FAT3: variants seen among roughly 807,000 people sequenced by gnomAD.
The protein encoded by FAT3 is protocadherin Fat 3.
A neutral mutation model predicts 310.2 loss-of-function variants in FAT3; 95 were observed. That is an observed-to-expected ratio of 0.31 (90% CI 0.26 to 0.36). The LOEUF (loss-of-function observed/expected upper bound fraction) is 0.36. Among genes scored for constraint, FAT3 ranks in the 10% least tolerant of loss-of-function variants. FAT3 has a pLI of 1.00. For synonymous variants in FAT3, 2,314 were observed against 2,192.9 expected (o/e 1.06, Z -1.54); for missense variants, 5,408 against 5,715.6 (o/e 0.95, Z 1.74).
chr11:92,412,732 TATATATATATATAA>T (rs1339417293), intron 2 of FAT3, among the ~76,000 whole-genome samples: 699 of 17,918 alleles, frequency 0.039, 76 homozygotes, highest in African/African-American at 0.056. Context: ...TATATATATA[TATATATATATATAA>T]ATATACATAC....
chr11:92,728,123 A>G (rs1945055026), intron 4 of FAT3, among the ~76,000 whole-genome samples: 1 of 152,038 alleles, frequency 6.6e-6, no homozygotes, highest in Non-Finnish European at 1.5e-5. Flanking sequence ...TTAGAAATCT[A>G]AGGATTCTCG....
intron 2 of FAT3, among the ~76,000 whole-genome samples, chr11:92,441,201 A>G (rs1941435): frequency 0.08 from 12,240 of 152,294 alleles, 711 homozygotes; most frequent in African/African-American, 0.16. Context: ...ACATTGTATC[A>G]TCTCTGTCTG....
intron 3 of FAT3, among the ~76,000 whole-genome samples, chr11:92,575,539 G>A (rs1938437043): frequency 6.6e-6 from 1 of 152,100 alleles, no homozygotes; most frequent in African/African-American, 2.4e-5. Context: ...ATTGTTTTGT[G>A]TGTGTGGAGT....
intron 2 of FAT3, among the ~76,000 whole-genome samples, chr11:92,424,774 A>C (rs1467126105): frequency 1.3e-5 from 2 of 152,102 alleles, no homozygotes; most frequent in African/African-American, 2.4e-5. Flanking sequence ...ATTTTTTTCT[A>C]ATTTTGGAAG....
intron 1 of FAT3, among the ~76,000 whole-genome samples, chr11:92,316,390 T>C (rs982922710): frequency 6.6e-6 from 1 of 152,182 alleles, no homozygotes; most frequent in African/African-American, 2.4e-5. Flanking sequence ...ATATACAAAA[T>C]GCATATTTAA....
intron 2 of FAT3, among the ~76,000 whole-genome samples, chr11:92,459,955 T>C (rs1414747975): frequency 6.6e-6 from 1 of 151,726 alleles, no homozygotes; most frequent in Non-Finnish European, 1.5e-5. Flanking sequence ...GGTTTGTGTA[T>C]GGCACAAAAA....
intron 1 of FAT3, among the ~76,000 whole-genome samples, chr11:92,320,646 T>A (rs1947590022): frequency 6.6e-6 from 1 of 151,954 alleles, no homozygotes; most frequent in African/African-American, 2.4e-5. Context: ...GGCAGGTAGG[T>A]CACCTGAGGT....
In FAT3 at chr11:92,891,838, G is replaced by A. The variant is rs955492153; in HGVS notation, c.*725G>A. ...TTCCATTTGGTGGGTGGGGGAGGAA[G>A]TTAAAGTTGTTTGAACATTAGAAAG... On this transcript the variant is annotated 3_prime_UTR_variant, in exon 28 of 28. Coordinates refer to ENST00000525166, the MANE Select transcript of FAT3 (RefSeq NM_001367949.2). 1 of 152,320 alleles carries A rather than the reference G, an allele frequency of 6.6e-6. No homozygotes were observed. Among genetic ancestry groups the A allele is most frequent in the African/African-American group, 2.4e-5 (1 of 41,444 alleles). 9.4% of individuals were successfully genotyped at this position (152,320 alleles called of 1,614,324 possible).
intron 7 of FAT3, among the ~76,000 whole-genome samples, chr11:92,783,681 A>G (rs1223283228): frequency 1.3e-5 from 2 of 150,898 alleles, no homozygotes; most frequent in Non-Finnish European, 3.0e-5. Flanking sequence ...GTGCAGTCCA[A>G]TTGTCCCAGC....
intron 2 of FAT3, among the ~76,000 whole-genome samples, chr11:92,514,950 C>G (rs1953429118): frequency 6.6e-6 from 1 of 152,140 alleles, no homozygotes; most frequent in Non-Finnish European, 1.5e-5. Context: ...AGGATCCTAT[C>G]ACCTGATTTG....
At chr11:92,588,472 C>T (rs1284098268) in intron 3 of FAT3, among the ~76,000 whole-genome samples, 1 of 151,998 alleles carries the variant, frequency 6.6e-6, no homozygotes, top group Non-Finnish European at 1.5e-5. Flanking sequence ...ACTGATTTTA[C>T]TTCTTGAGTG....
chr11:92,722,925 A>G (rs941001162), intron 4 of FAT3, among the ~76,000 whole-genome samples: 5 of 152,044 alleles, frequency 3.3e-5, no homozygotes, highest in African/African-American at 1.2e-4. Flanking sequence ...CTACGAAAAC[A>G]TCTTTTCCTC....
intron 2 of FAT3, among the ~76,000 whole-genome samples, chr11:92,416,390 A>T (rs1450764448): frequency 6.6e-6 from 1 of 151,926 alleles, no homozygotes. Flanking sequence ...TCTCAAAAAA[A>T]AAAAAAAGAA....
At chr11:92,642,452 A>G (rs1472584152) in intron 3 of FAT3, among the ~76,000 whole-genome samples, 2 of 152,232 alleles carry the variant, frequency 1.3e-5, no homozygotes, top group African/African-American at 4.8e-5. Flanking sequence ...TGGGCCCCAC[A>G]CAACCATTTG....
chr11:92,627,692 T>C (rs1308694051), intron 3 of FAT3, among the ~76,000 whole-genome samples: 1 of 152,234 alleles, frequency 6.6e-6, no homozygotes, highest in East Asian at 1.9e-4. Context: ...ATTTACTCTC[T>C]TTAGACGTTC....
intron 3 of FAT3, among the ~76,000 whole-genome samples, chr11:92,575,474 A>G (rs1490873521): frequency 2.0e-5 from 3 of 152,190 alleles, no homozygotes; most frequent in Non-Finnish European, 2.9e-5. Context: ...TATAACTTCA[A>G]CTTCATTATC....
chr11:92,743,730 G>A (rs530740388), intron 4 of FAT3, among the ~76,000 whole-genome samples: 3 of 152,202 alleles, frequency 2.0e-5, no homozygotes, highest in Non-Finnish European at 2.9e-5. Flanking sequence ...ATTGGATGAC[G>A]AGGCCTTGAA....
rs569062567 is a variant in FAT3, at chr11:92,457,216, C to T, written c.3293-67418C>T. ...CGTGATTCTATGAATTTCTGCCCTA[C>T]GAGGTCAGAGAAGGGCCAACAGCTC... On this transcript the variant is annotated intron_variant, in intron 2 of 27. Transcript: ENST00000525166. Among the ~76,000 whole-genome samples, 7 of 152,204 alleles carry T rather than the reference C, an allele frequency of 4.6e-5. No homozygotes were observed. The South Asian group carries it at 8.3e-4, about 18-fold the overall frequency.
chr11:92,285,850 G>A (rs934906848), intron 1 of FAT3, among the ~76,000 whole-genome samples: 13 of 152,068 alleles, frequency 8.5e-5, no homozygotes, highest in Non-Finnish European at 1.6e-4. Flanking sequence ...GGTAGAAATG[G>A]CAATGTGGCT....
Sources: gnomAD v4.1 joint callset for allele counts (sites outside exome capture counted in the v4.1 genomes callset) on GRCh38, gnomAD v4.1.1 for gene constraint, MANE v1.5 for transcripts, NCBI Gene and HGNC (gene_info 2026-07-23, HGNC 2026-07-21) for gene names.